Variants in MAPK10 observed in about 807,000 individuals in gnomAD.
The protein encoded by MAPK10 is JNK3 alpha protein kinase.
A neutral mutation model predicts 59.3 loss-of-function variants in MAPK10; 25 were observed. That is an observed-to-expected ratio of 0.42 (90% CI 0.31 to 0.59). MAPK10 has a LOEUF of 0.59. Among genes scored for constraint, MAPK10 ranks in the 20% least tolerant of loss-of-function variants. The pLI is 0.15. For synonymous variants in MAPK10, 190 were observed against 200.5 expected (o/e 0.95, Z 0.44); for missense variants, 351 against 568.9 (o/e 0.62, Z 3.90).
rs551114503 is a variant in MAPK10, at chr4:86,249,591, C to T, written c.-6-55184G>A. ...TAATGTAAGAAGGCAGGAGAAAATA[C>T]GGTTTGGAAGTGATTTGGGGTCAGT... On this transcript the variant is annotated intron_variant, in intron 2 of 13. Coordinates refer to ENST00000641462, the MANE Select transcript of MAPK10 (RefSeq NM_138982.4). Among the ~76,000 whole-genome samples the T allele has an allele frequency of 1.3e-4, 20 of 152,130 alleles. 1 individual carries two copies. Among genetic ancestry groups the T allele is most frequent in the South Asian group, 1.2e-3 (6 of 4,808 alleles).
At chr4:86,372,568 G>GAAAGAAAGA (rs1411901849) in intron 1 of MAPK10, among the ~76,000 whole-genome samples, 1,076 of 29,052 alleles carry the variant, frequency 0.037, 37 homozygotes, top group Non-Finnish European at 0.038. Flanking sequence ...AAGAAAGAAA[G>GAAAGAAAGA]AAAAGAAAAG....
chr4:86,220,533 T>C (rs940281920), intron 2 of MAPK10, among the ~76,000 whole-genome samples: 1 of 152,186 alleles, frequency 6.6e-6, no homozygotes, highest in African/African-American at 2.4e-5. Flanking sequence ...CCTGAAGAAT[T>C]TAAGAATTTA....
chr4:86,259,205 C>T (rs1207988301), intron 2 of MAPK10, among the ~76,000 whole-genome samples: 1 of 152,128 alleles, frequency 6.6e-6, no homozygotes, highest in African/African-American at 2.4e-5. Flanking sequence ...CTCCCTGAGA[C>T]ATCTCAGCCA....
chr4:86,075,890 G>A (rs1287531541), intron 9 of MAPK10, among the ~76,000 whole-genome samples: 1 of 152,184 alleles, frequency 6.6e-6, no homozygotes, highest in African/African-American at 2.4e-5. Flanking sequence ...TACAGTGGCA[G>A]GCAGGCCTCC....
chr4:86,514,513 T>C (rs904733807), intron 1 of MAPK10, among the ~76,000 whole-genome samples: 1 of 152,208 alleles, frequency 6.6e-6, no homozygotes, highest in Non-Finnish European at 1.5e-5. Context: ...GAGAGTCCCC[T>C]CTATTGGTTT....
intron 2 of MAPK10, among the ~76,000 whole-genome samples, chr4:86,242,012 T>C (rs2092750375): frequency 6.6e-6 from 1 of 152,086 alleles, no homozygotes; most frequent in South Asian, 2.1e-4. Flanking sequence ...GGATGGGGTT[T>C]TTGTGGGGGT....
At chr4:86,054,262 C>A (rs1338234725) in intron 11 of MAPK10, among the ~76,000 whole-genome samples, 3 of 152,130 alleles carry the variant, frequency 2.0e-5, no homozygotes, top group African/African-American at 7.2e-5. Context: ...CAGTGAAATA[C>A]ATATTCCTAT....
intron 1 of MAPK10, among the ~76,000 whole-genome samples, chr4:86,391,442 T>C (rs1742166117): frequency 6.6e-6 from 1 of 152,242 alleles, no homozygotes; most frequent in African/African-American, 2.4e-5. Flanking sequence ...CGTTTTTAAC[T>C]GTACCATGAT....
At chr4:86,404,101 T>C (rs1402138030) in intron 1 of MAPK10, among the ~76,000 whole-genome samples, 2 of 152,182 alleles carry the variant, frequency 1.3e-5, no homozygotes, top group African/African-American at 4.8e-5. Context: ...TATTGTGAAC[T>C]CCCCAGATTA....
At chr4:86,089,629 T>C (rs1435431962) in intron 9 of MAPK10, 2 of 176,772 alleles carry the variant, frequency 1.1e-5, no homozygotes, top group Non-Finnish European at 2.4e-5. Flanking sequence ...TTATTCTAGA[T>C]AGTGTTAATA....
intron 1 of MAPK10, among the ~76,000 whole-genome samples, chr4:86,549,234 C>T (rs1317727582): frequency 3.9e-5 from 6 of 152,214 alleles, no homozygotes; most frequent in Non-Finnish European, 8.8e-5. Context: ...TCCGGCATCA[C>T]TTAAGGACAG....
chr4:86,308,995 A>C (rs1276443148), intron 2 of MAPK10, among the ~76,000 whole-genome samples: 2 of 152,222 alleles, frequency 1.3e-5, no homozygotes, highest in African/African-American at 4.8e-5. Context: ...GGTGCTATTT[A>C]AATACTGCTA....
At chr4:86,146,221 C>A (rs769285261) in intron 4 of MAPK10, among the ~76,000 whole-genome samples, 1 of 152,174 alleles carries the variant, frequency 6.6e-6, no homozygotes, top group African/African-American at 2.4e-5. Context: ...AGTGCCTACT[C>A]TGCAAGGAAC....
At chr4:86,537,623 C>T (rs1261393448) in intron 1 of MAPK10, among the ~76,000 whole-genome samples, 1 of 152,138 alleles carries the variant, frequency 6.6e-6, no homozygotes, top group African/African-American at 2.4e-5. Context: ...AGGTACCTCC[C>T]TGAGAAATAT....
Position 86,397,981 on chromosome 4 carries a change from T to C in MAPK10, c.-121-43337A>G, listed in dbSNP as rs191986839. Among the ~76,000 whole-genome samples the C allele has an allele frequency of 2.2e-3, 333 of 151,178 alleles. 2 individuals carry two copies. Among genetic ancestry groups the C allele is most frequent in the African/African-American group, 7.6e-3 (315 of 41,284 alleles). On this transcript the variant is annotated intron_variant, in intron 1 of 13. Coordinates refer to the MAPK10 transcript ENST00000361569. The stretch of plus-strand genomic sequence containing the variant: ...ACAGAGAACTCGTAACATGCAATAC[T>C]CTGAAACTTTTGAACTACCTACTTT...
At chr4:86,270,680 C>T (rs556543971) in intron 2 of MAPK10, among the ~76,000 whole-genome samples, 2 of 152,080 alleles carry the variant, frequency 1.3e-5, no homozygotes, top group African/African-American at 4.8e-5. Flanking sequence ...CCATTCTAGG[C>T]CATCCCCACA....
intron 1 of MAPK10, among the ~76,000 whole-genome samples, chr4:86,531,560 G>A (rs982965812): frequency 6.6e-6 from 1 of 152,222 alleles, no homozygotes; most frequent in Admixed American, 6.5e-5. Flanking sequence ...CCCTCACCAA[G>A]AGGGCAGCAA....
intron 11 of MAPK10, among the ~76,000 whole-genome samples, chr4:86,051,912 G>A (rs1327418998): frequency 3.9e-5 from 6 of 152,092 alleles, no homozygotes; most frequent in African/African-American, 1.4e-4. Flanking sequence ...CAAAGGAAGT[G>A]AGTGCTTCCG....
At chr4:86,098,297 A>G (rs954773874) in intron 9 of MAPK10, 1 of 428,748 alleles carries the variant, frequency 2.3e-6, no homozygotes, top group Non-Finnish European at 3.8e-6. Context: ...TGCAGGCAAG[A>G]AAGTAATTTT....
Sources: allele counts gnomAD v4.1 joint callset (sites outside exome capture counted in the v4.1 genomes callset), GRCh38; gene constraint gnomAD v4.1.1; transcripts MANE v1.5; gene names NCBI Gene and HGNC (gene_info 2026-07-23, HGNC 2026-07-21).